KCNMA1: variants seen among roughly 807,000 people sequenced by gnomAD.
The protein encoded by KCNMA1 is potassium calcium-activated channel subfamily M alpha 1.
Under a neutral mutation model 140.0 loss-of-function variants are expected in KCNMA1, and 29 were observed. The observed-to-expected ratio is 0.21, with a 90% CI of 0.15 to 0.28. KCNMA1 has a LOEUF of 0.28. KCNMA1 is among the 10% of genes least tolerant of loss of function. KCNMA1 has a pLI of 1.00. For synonymous variants in KCNMA1, 612 were observed against 611.9 expected, an observed-to-expected ratio of 1.00 and a Z score of 0.00; for missense variants, 880 against 1,602.2, an observed-to-expected ratio of 0.55 and a Z score of 7.70.
intron 20 of KCNMA1, among the ~76,000 whole-genome samples, chr10:76,957,420 T>C (rs992614228): frequency 1.3e-5 from 2 of 152,140 alleles, no homozygotes; most frequent in Non-Finnish European, 2.9e-5. Flanking sequence ...TATGACTGAT[T>C]GACAGCAGAC....
chr10:77,560,732 G>C (rs2066084784), intron 1 of KCNMA1, among the ~76,000 whole-genome samples: 1 of 152,234 alleles, frequency 6.6e-6, no homozygotes, highest in Non-Finnish European at 1.5e-5. Flanking sequence ...AGGAGGCCCT[G>C]AGAAGAGATG....
At chr10:77,419,754 C>T (rs949407789) in intron 1 of KCNMA1, among the ~76,000 whole-genome samples, 11 of 152,134 alleles carry the variant, frequency 7.2e-5, no homozygotes, top group Non-Finnish European at 1.6e-4. Flanking sequence ...TCATTGCCAG[C>T]ATTTATTAAG....
chr10:77,503,983 G>A (rs1368883900), intron 1 of KCNMA1, among the ~76,000 whole-genome samples: 1 of 152,150 alleles, frequency 6.6e-6, no homozygotes, highest in African/African-American at 2.4e-5. Context: ...TTGGCAAACA[G>A]TGAAGAGGGG....
intron 2 of KCNMA1, among the ~76,000 whole-genome samples, chr10:77,263,713 T>C (rs559900799): frequency 6.6e-6 from 1 of 152,290 alleles, no homozygotes; most frequent in African/African-American, 2.4e-5. Flanking sequence ...AATTGCTAAA[T>C]GACCATTCAG....
intron 5 of KCNMA1, among the ~76,000 whole-genome samples, chr10:77,129,248 A>G (rs2097801645): frequency 6.6e-6 from 1 of 152,216 alleles, no homozygotes. Context: ...TCTAATCAAG[A>G]AGATTCTAAT....
At chr10:77,109,313 G>A (rs1366327511) in intron 8 of KCNMA1, among the ~76,000 whole-genome samples, 1 of 151,820 alleles carries the variant, frequency 6.6e-6, no homozygotes, top group African/African-American at 2.4e-5. Context: ...ACAGAGAGAG[G>A]TGTATGCATC....
At chr10:77,043,252 A>T (rs1378963670) in intron 14 of KCNMA1, among the ~76,000 whole-genome samples, 1 of 152,228 alleles carries the variant, frequency 6.6e-6, no homozygotes, top group Non-Finnish European at 1.5e-5. Flanking sequence ...TCTGTTTAAG[A>T]TTTCCACATC....
At chr10:77,350,129 C>G (rs570221281) in intron 2 of KCNMA1, among the ~76,000 whole-genome samples, 53 of 152,304 alleles carry the variant, frequency 3.5e-4, no homozygotes, top group African/African-American at 1.3e-3. Context: ...AAACTCCTCA[C>G]CTCAGGTGAT....
At chr10:77,266,953 C>A (rs1039585787) in intron 2 of KCNMA1, among the ~76,000 whole-genome samples, 2 of 152,192 alleles carry the variant, frequency 1.3e-5, no homozygotes, top group Non-Finnish European at 2.9e-5. Context: ...CCTCATGAAC[C>A]TTACAGTCTG....
At chr10:76,919,901 T>G (rs2054613346) in intron 23 of KCNMA1, among the ~76,000 whole-genome samples, 1 of 150,528 alleles carries the variant, frequency 6.6e-6, no homozygotes, top group Non-Finnish European at 1.5e-5. Flanking sequence ...GATAAAGAAC[T>G]GAAGAAGTAT....
intron 1 of KCNMA1, among the ~76,000 whole-genome samples, chr10:77,591,559 T>G (rs1172077183): frequency 2.0e-5 from 3 of 152,234 alleles, no homozygotes; most frequent in African/African-American, 7.2e-5. Context: ...TTAGAAACTC[T>G]GAGGGTGGGA....
intron 1 of KCNMA1, among the ~76,000 whole-genome samples, chr10:77,628,096 C>T (rs2092755580): frequency 6.8e-6 from 1 of 147,404 alleles, no homozygotes; most frequent in African/African-American, 2.5e-5. Context: ...AAGAACAAGA[C>T]ATGGAACCAG....
intron 2 of KCNMA1, among the ~76,000 whole-genome samples, chr10:77,255,007 C>G (rs1341661811): frequency 6.6e-6 from 1 of 152,176 alleles, no homozygotes; most frequent in Non-Finnish European, 1.5e-5. Flanking sequence ...CCTCTTAGGG[C>G]ACTTCTGCTA....
intron 1 of KCNMA1, among the ~76,000 whole-genome samples, chr10:77,549,109 A>C (rs1346575117): frequency 6.6e-6 from 1 of 152,228 alleles, no homozygotes; most frequent in Non-Finnish European, 1.5e-5. Context: ...ACTATTCTAA[A>C]TGCCTTGTAT....
chr10:77,066,879 T>A (rs1056116865), intron 14 of KCNMA1, among the ~76,000 whole-genome samples: 3 of 152,200 alleles, frequency 2.0e-5, no homozygotes, highest in Non-Finnish European at 4.4e-5. Flanking sequence ...GAGAGCCACC[T>A]CAATCCCAGC....
At chr10:77,226,525 T>A in intron 3 of KCNMA1, among the ~76,000 whole-genome samples, 1 of 151,950 alleles carries the variant, frequency 6.6e-6, no homozygotes, top group South Asian at 2.1e-4. Context: ...GAAGGCCCCC[T>A]GCAGCCACAA....
rs1447211434 is a variant in KCNMA1 at position 77,073,224 on chromosome 10, T to C, written c.1622A>G (p.Asn541Ser). 6.8e-6 allele frequency: 11 copies of C among 1,614,116 alleles called. No homozygotes were observed. Among genetic ancestry groups the C allele is most frequent in the African/African-American group, 1.3e-5 (1 of 74,950 alleles). The change falls in exon 14 of 28, where the codon AAT becomes AGT. Residue 541 changes from asparagine (N) to serine (S), a missense_variant. By Grantham distance (46) the Asn-to-Ser change is conservative. This residue lies in a region of KCNMA1 where 198 missense variants were observed against 580.1 expected (regional missense o/e 0.34). Transcript: ENST00000286628. ...KAHLLNIPSW[N>S]WKEGDDAICL... ...GATTGCGTCATCACCTTCTTTCCAATTCCAGCTCGGGATGTTTAGCAGATG... is the reference window on the plus strand; with the variant it reads ...GATTGCGTCATCACCTTCTTTCCAACTCCAGCTCGGGATGTTTAGCAGATG...
chr10:77,171,809 C>T (rs1275919738), intron 5 of KCNMA1, among the ~76,000 whole-genome samples: 5 of 152,092 alleles, frequency 3.3e-5, no homozygotes, highest in Admixed American at 6.5e-5. Context: ...GACCGCACCT[C>T]GAGTAGTCCT....
intron 5 of KCNMA1, among the ~76,000 whole-genome samples, chr10:77,175,867 C>A (rs2154110684): frequency 6.6e-6 from 1 of 152,246 alleles, no homozygotes; most frequent in African/African-American, 2.4e-5. Flanking sequence ...TATGGGGATG[C>A]CAACCAGGGT....
Sources: allele counts gnomAD v4.1 joint callset (sites outside exome capture counted in the v4.1 genomes callset), GRCh38; gene constraint gnomAD v4.1.1; regional missense constraint gnomAD v4.1.1; transcripts MANE v1.5; gene names NCBI Gene and HGNC (gene_info 2026-07-23, HGNC 2026-07-21).